Variants in FRY observed in about 807,000 individuals in gnomAD.
FRY encodes the protein FRY microtubule binding protein, also known as protein furry homolog.
Under a neutral mutation model 348.4 loss-of-function variants are expected in FRY, and 128 were observed. The observed-to-expected ratio is 0.37, with a 90% confidence interval of 0.32 to 0.43. The LOEUF (loss-of-function observed/expected upper bound fraction) is 0.43. Among genes scored for constraint, FRY ranks in the 20% least tolerant of loss-of-function variants. FRY has a pLI of 1.00. For missense variants in FRY, 2,736 were observed against 3,695.2 expected (o/e 0.74, Z 6.73); for synonymous variants, 1,370 against 1,374.7 (o/e 1.00, Z 0.08).
At chr13:32,281,991 A>G (rs1888831707) in intron 58 of FRY, among the ~76,000 whole-genome samples, 1 of 152,194 alleles carries the variant, frequency 6.6e-6, no homozygotes, top group African/African-American at 2.4e-5. Context: ...GGTTCCCATC[A>G]TAGGTTAACA....
intron 16 of FRY, among the ~76,000 whole-genome samples, chr13:32,158,278 C>T (rs1317197891): frequency 2.0e-5 from 3 of 152,108 alleles, no homozygotes; most frequent in South Asian, 2.1e-4. Flanking sequence ...AATCTGCAGC[C>T]GTTTCTTGGA....
Position 32,057,104 on chromosome 13 carries a change from C to T in FRY, c.71-21730C>T, listed in dbSNP as rs140014569. Among the ~76,000 whole-genome samples, 555 of 152,096 alleles carry T rather than the reference C, an allele frequency of 3.6e-3. 1 individual carries two copies. Among genetic ancestry groups the T allele is most frequent in the African/African-American group, 0.012 (509 of 41,508 alleles). On this transcript the variant is annotated intron_variant, in intron 1 of 60. Transcript: ENST00000542859. ...TCTTGCTTCCCATAGTAAAATAGAG[C>T]GGGGAGACTATACAATAAAGTAGGT...
intron 1 of FRY, among the ~76,000 whole-genome samples, chr13:32,047,589 G>T (rs1215950079): frequency 6.8e-6 from 1 of 147,652 alleles, no homozygotes; most frequent in Non-Finnish European, 1.5e-5. Flanking sequence ...TTTGGGGGGG[G>T]TGCAGAGTTT....
chr13:32,124,715 T>TGAATGTTA, intron 6 of FRY, 34 bp downstream of exon 6: 1 of 1,522,888 alleles, frequency 6.6e-7, no homozygotes, highest in South Asian at 1.1e-5. Flanking sequence ...ATGTTGAAGT[T>TGAATGTTA]GGTGTTTAAA....
chr13:32,208,248 A>G (rs7140096), intron 31 of FRY, among the ~76,000 whole-genome samples: 3,432 of 152,336 alleles, frequency 0.023, 60 homozygotes, highest in Non-Finnish European at 0.034. Flanking sequence ...TTAACAGCCA[A>G]TGTTTCATGG....
At chr13:32,222,459 G>A (rs570693205) in intron 36 of FRY, among the ~76,000 whole-genome samples, 3 of 152,164 alleles carry the variant, frequency 2.0e-5, no homozygotes, top group Non-Finnish European at 2.9e-5. Context: ...TGATCTACCC[G>A]CCATGGCCTC....
intron 35 of FRY, among the ~76,000 whole-genome samples, chr13:32,217,331 C>T (rs1885053808): frequency 6.6e-6 from 1 of 152,116 alleles, no homozygotes; most frequent in Admixed American, 6.6e-5. Context: ...ATTTTGCCCA[C>T]ACTGCCCCTG....
At chr13:32,292,658 A>G (rs1297150576) in intron 59 of FRY, among the ~76,000 whole-genome samples, 2 of 151,970 alleles carry the variant, frequency 1.3e-5, no homozygotes, top group Non-Finnish European at 2.9e-5. Context: ...CAGGCATGGT[A>G]GCCCGTGCCC....
rs558414102 is a variant in FRY, at chr13:32,183,861, G to A, written c.3055-739G>A. ...CAAGAAATAGCAGAAATTAGGTCAG[G>A]TGCAGTAGCTCATGCCTGTAATCCC... On this transcript the variant is annotated intron_variant, in intron 24 of 60. Coordinates refer to ENST00000542859, the MANE Select transcript of FRY (RefSeq NM_023037.3). 2.6e-5 allele frequency among the ~76,000 whole-genome samples: 4 copies of A among 152,048 alleles called. No homozygotes were observed. In the South Asian group the frequency reaches 6.2e-4, roughly 24 times the overall value.
At chr13:32,253,617 T>C (rs1593805090) in intron 50 of FRY, among the ~76,000 whole-genome samples, 1 of 152,310 alleles carries the variant, frequency 6.6e-6, no homozygotes, top group East Asian at 1.9e-4. Context: ...ATTTTAATAG[T>C]AAAAAAATGT....
At chr13:32,150,728 A>G (rs204562) in intron 14 of FRY, among the ~76,000 whole-genome samples, 109,749 of 152,072 alleles carry the variant, frequency 0.72, 40,294 homozygotes, top group East Asian at 0.98. Flanking sequence ...TGTCATCTCT[A>G]TATTATCACC....
chr13:32,177,283 A>G (rs1045392305), intron 20 of FRY, among the ~76,000 whole-genome samples: 2 of 152,186 alleles, frequency 1.3e-5, no homozygotes, highest in East Asian at 3.8e-4. Context: ...TTGCTATCAT[A>G]GGGCAAGAAT....
chr13:32,223,791 T>C (rs942524574), intron 36 of FRY, among the ~76,000 whole-genome samples: 1 of 152,108 alleles, frequency 6.6e-6, no homozygotes, highest in Non-Finnish European at 1.5e-5. Context: ...TGCAGTGGCA[T>C]GATCTCGGTC....
At chr13:32,137,311 G>T (rs530243117) in intron 11 of FRY, among the ~76,000 whole-genome samples, 1 of 152,282 alleles carries the variant, frequency 6.6e-6, no homozygotes, top group South Asian at 2.1e-4. Context: ...GCTAATAGAA[G>T]CATGTGAATT....
intron 4 of FRY, among the ~76,000 whole-genome samples, chr13:32,119,414 C>T (rs1878511697): frequency 6.6e-6 from 1 of 152,168 alleles, no homozygotes; most frequent in South Asian, 2.1e-4. Context: ...TGCAAACCAG[C>T]AATAAAGTTG....
chr13:32,268,499 AAAAAAAATATATAT>A lies in FRY; in HGVS notation c.8136+1142_8136+1155del, dbSNP rs1273835941. Among the ~76,000 whole-genome samples, 24 of 15,994 alleles carry A rather than the reference AAAAAAAATATATAT, an allele frequency of 1.5e-3. 1 individual carries two copies. The highest frequency in any genetic ancestry group is 3.2e-3 in the African/African-American group (22 of 6,932). 10.5% of individuals were successfully genotyped at this position (15,994 alleles called of 152,430 possible). A position where few individuals can be genotyped will look rare whatever the true frequency, so the allele number is the denominator to read the frequency against. On this transcript the variant is annotated intron_variant, in intron 55 of 60. Coordinates refer to ENST00000542859, the MANE Select transcript of FRY (RefSeq NM_023037.3). The stretch of plus-strand genomic sequence containing the variant: ...AGAAAGCTAGTTTAAAAAAAAAAAA[AAAAAAAATATATAT>A]ATATATATATATATATATATATATA...
chr13:32,100,808 CTTTCT>C (rs1265400543), intron 2 of FRY, among the ~76,000 whole-genome samples: 1 of 152,154 alleles, frequency 6.6e-6, no homozygotes, highest in Admixed American at 6.5e-5. Context: ...TGAGTTCCCC[CTTTCT>C]TTATAGATGG....
At chr13:32,254,025 A>G (rs1370738619) in intron 50 of FRY, 199 bp from the exon 51 acceptor site, 11 of 611,258 alleles carry the variant, frequency 1.8e-5, no homozygotes, top group East Asian at 2.8e-5. Context: ...TTCCTGGTGC[A>G]TGAACTTGCG....
intron 1 of FRY, among the ~76,000 whole-genome samples, chr13:32,072,324 A>AT (rs945645958): frequency 4.6e-5 from 7 of 151,224 alleles, no homozygotes; most frequent in Non-Finnish European, 7.4e-5. Flanking sequence ...GTTTTTCGGT[A>AT]TTTTTTTTTA....
Sources: allele counts gnomAD v4.1 joint callset (sites outside exome capture counted in the v4.1 genomes callset), GRCh38; gene constraint gnomAD v4.1.1; transcripts MANE v1.5; gene names NCBI Gene and HGNC (gene_info 2026-07-23, HGNC 2026-07-21).